The following FBXL19 variants were observed in gnomAD, a reference collection of about 807,000 sequenced individuals.
The protein encoded by FBXL19 is F-box/LRR-repeat protein 19.
A neutral mutation model predicts 71.2 loss-of-function variants in FBXL19; 16 were observed. The ratio of observed to expected loss-of-function variants is 0.22; its 90% CI spans 0.15 to 0.34. The LOEUF is 0.34. Among genes scored for constraint, FBXL19 ranks in the 10% least tolerant of loss-of-function variants. FBXL19 has a pLI of 1.00. For missense variants in FBXL19, 658 were observed against 968.2 expected (o/e 0.68, Z 4.25); for synonymous variants, 447 against 409.4 (o/e 1.09, Z -1.11).
Position 30,947,236 on chromosome 16 carries a change from C to T in FBXL19, c.*6C>T, listed in dbSNP as rs557698266. 10 of 1,567,512 alleles carry T rather than the reference C, an allele frequency of 6.4e-6. No individual in the cohort carries two copies. The highest frequency in any genetic ancestry group is 1.9e-4 in the Middle Eastern group (1 of 5,270). On this transcript the variant is annotated 3_prime_UTR_variant, in exon 11 of 11. Transcript: ENST00000338343. ...TGCTTCTCAAGGACAGCTAGTTGGG[C>T]GCCCCCCACCCTCCCCCGGACTCGA...
rs2055554580 is a variant in FBXL19, at chr16:30,923,772, A to G, written c.-712A>G. 1.4e-5 allele frequency among the ~76,000 whole-genome samples: 2 copies of G among 140,158 alleles called. No homozygotes were observed. The highest frequency in any genetic ancestry group is 1.5e-5 in the Non-Finnish European group (1 of 65,194). The allele number at this position is 140,158 out of a possible 152,430, so 91.9% of individuals were successfully genotyped here. The stretch of plus-strand genomic sequence containing the variant: ...TTATTCAAATTTTATTTAAATCCCT[A>G]TCTCCCGAGGGTCGCGCGCTTGGGG... On this transcript the variant is annotated 5_prime_UTR_variant, in exon 1 of 11. Coordinates refer to ENST00000338343, the MANE Select transcript of FBXL19 (RefSeq NM_001382779.1).
At chr16:30,943,456 G>A (rs555778874) in intron 9 of FBXL19, among the ~76,000 whole-genome samples, 58 of 139,652 alleles carry the variant, frequency 4.2e-4, no homozygotes, top group African/African-American at 1.5e-3. Flanking sequence ...ATCACTGCAA[G>A]CTCCACCTCC....
chr16:30,934,288 G>A (rs1374171081), intron 7 of FBXL19, among the ~76,000 whole-genome samples: 3 of 150,880 alleles, frequency 2.0e-5, no homozygotes, highest in East Asian at 1.9e-4. Context: ...GCTTGAACCT[G>A]GGAAGTGGAG....
intron 5 of FBXL19, among the ~76,000 whole-genome samples, 179 bp downstream of exon 5, chr16:30,928,142 AG>A (rs878910790): frequency 2.8e-4 from 16 of 56,434 alleles, no homozygotes; most frequent in East Asian, 2.0e-3. Flanking sequence ...AGTGTGGAGG[AG>A]GGGGGGGACA....
intron 7 of FBXL19, among the ~76,000 whole-genome samples, chr16:30,936,769 G>A (rs993810820): frequency 4.5e-5 from 6 of 132,418 alleles, no homozygotes; most frequent in Non-Finnish European, 7.9e-5. Context: ...TTGAGGCAGA[G>A]TCTGACTCTG....
chr16:30,941,880 C>G (rs558629048), intron 7 of FBXL19, among the ~76,000 whole-genome samples: 24 of 152,310 alleles, frequency 1.6e-4, no homozygotes, highest in Non-Finnish European at 2.8e-4. Flanking sequence ...CAATCATAAA[C>G]GAGGCTTCTG....
At chr16:30,927,989 G>C in intron 5 of FBXL19, 26 bp downstream of exon 5, 2 of 1,406,088 alleles carry the variant, frequency 1.4e-6, no homozygotes, top group Non-Finnish European at 1.9e-6. Flanking sequence ...CGCTCACTAG[G>C]CTTGTCCTGA....
At chr16:30,937,044 C>T (rs2055746068) in intron 7 of FBXL19, among the ~76,000 whole-genome samples, 1 of 152,106 alleles carries the variant, frequency 6.6e-6, no homozygotes, top group Non-Finnish European at 1.5e-5. Flanking sequence ...ACACGCTTGC[C>T]TCATTTTCTT....
intron 1 of FBXL19, chr16:30,924,669 C>A: frequency 1.4e-6 from 2 of 1,434,330 alleles, no homozygotes; most frequent in Non-Finnish European, 1.8e-6. Flanking sequence ...CCCCCACCCC[C>A]GCCTGCAGTC....
At chr16:30,923,519 A>C (rs2055549359), upstream of FBXL19, among the ~76,000 whole-genome samples, 2 of 71,050 alleles carry the variant, frequency 2.8e-5, no homozygotes, top group African/African-American at 1.1e-4. Context: ...GGGAGTAAAG[A>C]GGGGGAGGAG....
intron 7 of FBXL19, among the ~76,000 whole-genome samples, chr16:30,941,292 A>G (rs1322579488): frequency 6.6e-6 from 1 of 152,128 alleles, no homozygotes; most frequent in Non-Finnish European, 1.5e-5. Flanking sequence ...CCTAGGCAAC[A>G]TAGTGAGACC....
At position 30,925,982 on chromosome 16, in the gene FBXL19, T is replaced by G. The variant is rs1030375613; in HGVS notation, c.177+51T>G. 5 of 1,430,008 alleles carry G rather than the reference T, an allele frequency of 3.5e-6. No homozygotes were observed. Among genetic ancestry groups the G allele is most frequent in the Admixed American group, 6.1e-5 (2 of 32,568 alleles). The allele number at this position is 1,430,008 out of a possible 1,614,324, so 88.6% of individuals were successfully genotyped here. A position where few individuals can be genotyped will look rare whatever the true frequency, so the allele number is the denominator to read the frequency against. ...TCTGCCCACCCTTCCCAATACCTTCTTGGAATGGCTGGTGACTGCCTCCCA... is the reference window on the plus strand; with the variant it reads ...TCTGCCCACCCTTCCCAATACCTTCGTGGAATGGCTGGTGACTGCCTCCCA... On this transcript the variant is annotated intron_variant, in intron 2 of 10. Transcript: ENST00000338343. This position sits in a 1 kb window ranked among gnomAD's most constrained non-coding sequence, Gnocchi z 5.0.
Position 30,925,727 on chromosome 16 carries a change from A to C in FBXL19, c.-24-4A>C. On this transcript the variant is annotated splice_polypyrimidine_tract_variant and splice_region_variant and intron_variant, in intron 1 of 10. Coordinates refer to ENST00000338343, the MANE Select transcript of FBXL19 (RefSeq NM_001382779.1). The surrounding 1 kb of genome is among the most constrained non-coding windows in gnomAD (Gnocchi z 5.0). ...CATCTGACCCTGCCACCATCCACCT[A>C]CAGCCCTCGGCGTTGCTGACGCCCC... 2.0e-6 allele frequency: 3 copies of C among 1,492,336 alleles called. No individual in the cohort carries two copies. The highest frequency in any genetic ancestry group is 2.7e-6 in the Non-Finnish European group (3 of 1,126,574). The allele number at this position is 1,492,336 out of a possible 1,614,324, so 92.4% of individuals were successfully genotyped here.
intron 1 of FBXL19, chr16:30,924,661 C>T (rs990896818): frequency 7.1e-7 from 1 of 1,409,430 alleles, no homozygotes; most frequent in Non-Finnish European, 9.2e-7. Flanking sequence ...CTTGAAAGCC[C>T]CCACCCCCGC....
intron 7 of FBXL19, among the ~76,000 whole-genome samples, chr16:30,940,184 G>A (rs571085213): frequency 1.3e-5 from 2 of 152,166 alleles, no homozygotes; most frequent in East Asian, 1.9e-4. Flanking sequence ...CTTGAACTTG[G>A]GAGATGGTGG....
intron 2 of FBXL19, among the ~76,000 whole-genome samples, 176 bp from the exon 3 acceptor site, chr16:30,927,129 TAAG>T (rs1228654824): frequency 1.3e-5 from 2 of 152,228 alleles, no homozygotes; most frequent in Non-Finnish European, 2.9e-5. Flanking sequence ...AACGGAGACT[TAAG>T]GAGGTTAAAT....
At chr16:30,936,606 T>C (rs868639303) in intron 7 of FBXL19, among the ~76,000 whole-genome samples, 8 of 148,044 alleles carry the variant, frequency 5.4e-5, no homozygotes, top group Non-Finnish European at 9.0e-5. Context: ...TTTTTCTTTT[T>C]TTTTTTTTTT....
intron 7 of FBXL19, among the ~76,000 whole-genome samples, chr16:30,934,002 C>T (rs566336100): frequency 6.5e-4 from 99 of 152,140 alleles, no homozygotes; most frequent in African/African-American, 2.3e-3. Flanking sequence ...ATCCACCCGC[C>T]TCGGCCTCCC....
Position 30,925,767 on chromosome 16 carries a change from A to AGCCGGGG in FBXL19, c.26_32dup (p.Ala12GlyfsTer20), listed in dbSNP as rs2055582969. On this transcript the variant is annotated frameshift_variant, in exon 2 of 11. Transcript: ENST00000338343. LOFTEE classifies it high-confidence loss of function. The surrounding 1 kb of genome is among the most constrained non-coding windows in gnomAD (Gnocchi z 5.0). ...GCTGACGCCCCCAATGTCGTCGAGC[A>AGCCGGGG]GCCGGGGGCCGGGGGCCGGAGCGCG... 2 of 1,484,206 alleles carry AGCCGGGG rather than the reference A, an allele frequency of 1.3e-6. No homozygotes were observed. Among genetic ancestry groups the AGCCGGGG allele is most frequent in the Non-Finnish European group, 1.8e-6 (2 of 1,122,476 alleles). The allele number at this position is 1,484,206 out of a possible 1,614,324, so 91.9% of individuals were successfully genotyped here. A position where few individuals can be genotyped will look rare whatever the true frequency, so the allele number is the denominator to read the frequency against.
Sources: gnomAD v4.1 joint callset for allele counts (sites outside exome capture counted in the v4.1 genomes callset) on GRCh38, gnomAD v4.1.1 for gene constraint, Gnocchi (gnomAD v3.1) non-coding constraint, MANE v1.5 for transcripts, NCBI Gene and HGNC (gene_info 2026-07-23, HGNC 2026-07-21) for gene names.